MOB3B: variants seen among roughly 807,000 people sequenced by gnomAD.
MOB3B encodes the protein MOB kinase activator-like 2B.
MOB3B carries 7 observed loss-of-function variants against 18.7 expected under a neutral mutation model. The ratio of observed to expected loss-of-function variants is 0.37; its 90% CI spans 0.21 to 0.70. The LOEUF is 0.70. Ranked by LOEUF, MOB3B falls within the 30% of genes least tolerant of loss-of-function variation. The probability of loss-of-function intolerance (pLI) is 0.52; values close to 1 mark genes in which losing one functional copy is unlikely to be tolerated. For missense variants in MOB3B, 253 were observed against 281.3 expected (o/e 0.90, Z 0.72); for synonymous variants, 111 against 99.9 (o/e 1.11, Z -0.66).
At chr9:27,492,997 C>G (rs1819843540) in intron 1 of MOB3B, among the ~76,000 whole-genome samples, 1 of 152,186 alleles carries the variant, frequency 6.6e-6, no homozygotes, top group African/African-American at 2.4e-5. Flanking sequence ...AGATCATATA[C>G]TAAGCTACTT....
rs546551569 is a variant in MOB3B at position 27,386,515 on chromosome 9, T to C, written c.419-27279A>G. Among the ~76,000 whole-genome samples the C allele has an allele frequency of 3.9e-5, 6 of 152,366 alleles. No homozygotes were observed. In the East Asian group the frequency reaches 1.2e-3, roughly 29 times the overall value. ...CTCAGGAACAGCACGAATAATTTTT[T>C]TCTTCACATGCTAGAATGCATAAAT... On this transcript the variant is annotated intron_variant, in intron 2 of 3. Coordinates refer to ENST00000262244, the MANE Select transcript of MOB3B (RefSeq NM_024761.5).
At chr9:27,349,852 A>G (rs979593299) in intron 3 of MOB3B, among the ~76,000 whole-genome samples, 3 of 152,190 alleles carry the variant, frequency 2.0e-5, no homozygotes, top group African/African-American at 4.8e-5. Context: ...TTAAACAATG[A>G]ACGGAAATGC....
At chr9:27,458,486 A>G (rs1819224598) in intron 1 of MOB3B, among the ~76,000 whole-genome samples, 1 of 150,948 alleles carries the variant, frequency 6.6e-6, no homozygotes, top group African/African-American at 2.4e-5. Flanking sequence ...TTTTTCTTCT[A>G]GAGATACTCA....
chr9:27,401,185 T>C (rs10117992), intron 2 of MOB3B, among the ~76,000 whole-genome samples: 7,526 of 152,238 alleles, frequency 0.049, 617 homozygotes, highest in African/African-American at 0.17. Flanking sequence ...TGCCTCACTC[T>C]ACTCCCTGGA....
intron 2 of MOB3B, among the ~76,000 whole-genome samples, chr9:27,412,653 G>A (rs972878814): frequency 3.3e-5 from 5 of 152,068 alleles, no homozygotes; most frequent in African/African-American, 1.2e-4. Flanking sequence ...AAAAAATAAA[G>A]CAAACATTCT....
chr9:27,351,506 G>T (rs888217999), intron 3 of MOB3B, among the ~76,000 whole-genome samples: 2 of 152,252 alleles, frequency 1.3e-5, no homozygotes, highest in African/African-American at 4.8e-5. Flanking sequence ...ACAGGCTGCA[G>T]CTCTTTCTTC....
intron 1 of MOB3B, among the ~76,000 whole-genome samples, chr9:27,509,359 C>T (rs1820107652): frequency 6.6e-6 from 1 of 151,934 alleles, no homozygotes; most frequent in Admixed American, 6.6e-5. Context: ...TTCAAGTTCC[C>T]CAAATTTAAA....
At chr9:27,423,539 G>A (rs1233089407) in intron 2 of MOB3B, among the ~76,000 whole-genome samples, 2 of 151,828 alleles carry the variant, frequency 1.3e-5, no homozygotes, top group South Asian at 2.1e-4. Flanking sequence ...CATTTAGTGT[G>A]GAGCATTTAA....
At chr9:27,514,760 C>T (rs554150006) in intron 1 of MOB3B, among the ~76,000 whole-genome samples, 44 of 152,292 alleles carry the variant, frequency 2.9e-4, no homozygotes, top group African/African-American at 1.1e-3. Context: ...TTTTCTGTAG[C>T]TCAACATGAG....
intron 2 of MOB3B, among the ~76,000 whole-genome samples, chr9:27,381,382 T>C (rs1248080122): frequency 1.3e-5 from 2 of 151,828 alleles, no homozygotes; most frequent in Non-Finnish European, 2.9e-5. Flanking sequence ...TAACACATCT[T>C]CCCTGAGGCT....
chr9:27,385,719 T>C (rs1821642333), intron 2 of MOB3B, among the ~76,000 whole-genome samples: 1 of 152,240 alleles, frequency 6.6e-6, no homozygotes, highest in African/African-American at 2.4e-5. Flanking sequence ...ATTGCCCTAA[T>C]GGATTCTGGC....
intron 2 of MOB3B, among the ~76,000 whole-genome samples, chr9:27,442,513 G>A (rs926527260): frequency 6.6e-6 from 1 of 152,178 alleles, no homozygotes; most frequent in Non-Finnish European, 1.5e-5. Flanking sequence ...CAAAGACAGT[G>A]GGAAGCATTG....
chr9:27,386,504 G>A (rs751394603), intron 2 of MOB3B, among the ~76,000 whole-genome samples: 4 of 152,174 alleles, frequency 2.6e-5, no homozygotes, highest in African/African-American at 4.8e-5. Context: ...GGAACAGCAC[G>A]AATAATTTTT....
chr9:27,468,100 T>A (rs1819413629), intron 1 of MOB3B, among the ~76,000 whole-genome samples: 1 of 152,196 alleles, frequency 6.6e-6, no homozygotes, highest in Non-Finnish European at 1.5e-5. Context: ...AGACATAACT[T>A]ACTCATCTGC....
chr9:27,325,845 T>A lies in MOB3B; in HGVS notation c.*4742A>T, dbSNP rs1820702605. 6.6e-6 allele frequency: 1 copy of A among 152,114 alleles called. No individual in the cohort carries two copies. The highest frequency in any genetic ancestry group is 2.4e-5 in the African/African-American group (1 of 41,416). The allele number at this position is 152,114 out of a possible 1,614,324, so 9.4% of individuals were successfully genotyped here. A position where few individuals can be genotyped will look rare whatever the true frequency, so the allele number is the denominator to read the frequency against. ...GTACTCATGGAGTATGGAAGGGACA[T>A]AAGGTTTAGAGAACATAGGAAGCAA... On this transcript the variant is annotated 3_prime_UTR_variant, in exon 4 of 4. Coordinates refer to ENST00000262244, the MANE Select transcript of MOB3B (RefSeq NM_024761.5).
At chr9:27,416,471 T>A (rs1482325022) in intron 2 of MOB3B, among the ~76,000 whole-genome samples, 5 of 151,626 alleles carry the variant, frequency 3.3e-5, no homozygotes, top group Admixed American at 6.6e-5. Context: ...ATATTCTACC[T>A]ATAAAACACA....
chr9:27,353,680 C>T (rs2131350454), intron 3 of MOB3B, among the ~76,000 whole-genome samples: 1 of 152,252 alleles, frequency 6.6e-6, no homozygotes, highest in African/African-American at 2.4e-5. Context: ...CTGTCCTCCC[C>T]ACCTCACGAA....
At chr9:27,357,136 A>ATATATATATG (rs1563848890) in intron 3 of MOB3B, among the ~76,000 whole-genome samples, 2 of 85,514 alleles carry the variant, frequency 2.3e-5, no homozygotes, top group Non-Finnish European at 4.6e-5. Context: ...ATATATATAT[A>ATATATATATG]TATATATATG....
chr9:27,382,429 C>T (rs537161257), intron 2 of MOB3B, among the ~76,000 whole-genome samples: 2 of 152,204 alleles, frequency 1.3e-5, no homozygotes, highest in South Asian at 2.1e-4. Context: ...CTCACTCTTT[C>T]ATCCAGAAGC....
Sources: allele counts gnomAD v4.1 joint callset (sites outside exome capture counted in the v4.1 genomes callset), GRCh38; gene constraint gnomAD v4.1.1; transcripts MANE v1.5; gene names NCBI Gene and HGNC (gene_info 2026-07-23, HGNC 2026-07-21).